ZNF385A: variants seen among roughly 807,000 people sequenced by gnomAD.
ZNF385A encodes the protein hematopoietic zinc finger protein.
In ZNF385A, 14 loss-of-function variants were observed where a neutral mutation model predicts 32.1. The observed-to-expected ratio is 0.44, with a 90% CI of 0.29 to 0.68. The LOEUF is 0.68. ZNF385A is among the 30% of genes least tolerant of loss of function. The pLI is 0.14. For missense variants in ZNF385A, 406 were observed against 478.4 expected (o/e 0.85, Z 1.41); for synonymous variants, 197 against 202.7 (o/e 0.97, Z 0.24).
intron 1 of ZNF385A, among the ~76,000 whole-genome samples, chr12:54,378,568 C>A (rs189743182): frequency 2.0e-5 from 3 of 152,284 alleles, no homozygotes; most frequent in African/African-American, 7.2e-5. Context: ...GATGGAACTG[C>A]TGCCCCTTGT....
At chr12:54,371,144 C>T (rs1393846550) in intron 4 of ZNF385A, 48 bp from the exon 5 acceptor site, 2 of 1,537,798 alleles carry the variant, frequency 1.3e-6, no homozygotes, top group Non-Finnish European at 1.7e-6. Flanking sequence ...AAAAATTATC[C>T]AGGCCTACTG....
intron 1 of ZNF385A, chr12:54,391,152 C>G (rs1307827140): frequency 2.2e-6 from 3 of 1,388,552 alleles, no homozygotes; most frequent in Non-Finnish European, 9.5e-7. Context: ...ACCGCGGTGC[C>G]GGGAGATGGT....
chr12:54,374,519 G>A (rs1417028128), intron 2 of ZNF385A, among the ~76,000 whole-genome samples: 1 of 152,148 alleles, frequency 6.6e-6, no homozygotes, highest in Non-Finnish European at 1.5e-5. Context: ...AAGGCTATGT[G>A]CCCAAGTCCT....
At chr12:54,382,192 G>A (rs1429424132) in intron 1 of ZNF385A, among the ~76,000 whole-genome samples, 5 of 151,142 alleles carry the variant, frequency 3.3e-5, no homozygotes, top group East Asian at 1.9e-4. Flanking sequence ...CTCAGCCTCC[G>A]GAGTAGCTGG....
chr12:54,370,147 G>GGGGGGGGGA lies in ZNF385A; in HGVS notation c.*108_*109insTCCCCCCCC, dbSNP rs1288626078. On this transcript the variant is annotated 3_prime_UTR_variant, in exon 7 of 7. Coordinates refer to ENST00000394313, the MANE Select transcript of ZNF385A (RefSeq NM_015481.3). This position sits in a 1 kb window ranked among gnomAD's most constrained non-coding sequence, Gnocchi z 5.5. ...CCCCGTATCTCGGGGTGGGGGGGGG[G>GGGGGGGGGA]AAGGAGAGATCATTTAGGGAGTGCC... 2.5e-6 allele frequency: 2 copies of GGGGGGGGGA among 814,618 alleles called. No homozygotes were observed. The highest frequency in any genetic ancestry group is 3.9e-5 in the African/African-American group (2 of 51,796). 50.5% of individuals were successfully genotyped at this position (814,618 alleles called of 1,614,324 possible).
In ZNF385A at chr12:54,370,724, G is replaced by A. The variant is rs748237582; in HGVS notation, c.775-3C>T. 13 of 1,585,786 alleles carry A rather than the reference G, an allele frequency of 8.2e-6. No individual in the cohort carries two copies. In the South Asian group the frequency reaches 1.4e-4, roughly 17 times the overall value. On this transcript the variant is annotated splice_region_variant and splice_polypyrimidine_tract_variant and intron_variant, in intron 5 of 6. Transcript: ENST00000394313. This position sits in a 1 kb window ranked among gnomAD's most constrained non-coding sequence, Gnocchi z 5.5. Reference sequence around the variant, plus strand: ...CGGTGCCGCCGGCTGGAGATGTGCTGCGGGGGCCAGTGGATAGGGGGCTGT... The same window carrying A: ...CGGTGCCGCCGGCTGGAGATGTGCTACGGGGGCCAGTGGATAGGGGGCTGT...
intron 3 of ZNF385A, chr12:54,373,111 TC>T (rs1388318934): frequency 1.9e-5 from 3 of 161,102 alleles, no homozygotes; most frequent in African/African-American, 8.0e-5. Context: ...TGACTGTGCA[TC>T]CCTGAGGGGG....
chr12:54,378,386 G>A (rs1218982185), intron 1 of ZNF385A, among the ~76,000 whole-genome samples: 1 of 152,086 alleles, frequency 6.6e-6, no homozygotes, highest in Non-Finnish European at 1.5e-5. Context: ...GGCCTCGAAA[G>A]GTCCATAAAA....
chr12:54,380,140 G>T (rs1031095011), intron 1 of ZNF385A, among the ~76,000 whole-genome samples: 6 of 152,160 alleles, frequency 3.9e-5, no homozygotes, highest in African/African-American at 1.2e-4. Flanking sequence ...TAAGGAGTAG[G>T]AACTGCCCAA....
chr12:54,381,189 C>G (rs1213399581), intron 1 of ZNF385A: 1 of 128,814 alleles, frequency 7.8e-6, no homozygotes, highest in East Asian at 2.2e-4. Context: ...GAGTAAGACT[C>G]TGTCTCAAAA....
chr12:54,380,355 G>A (rs181880607), intron 1 of ZNF385A, among the ~76,000 whole-genome samples: 6 of 152,290 alleles, frequency 3.9e-5, no homozygotes, highest in African/African-American at 7.2e-5. Context: ...TATAGAGGAG[G>A]GAACTGAGGT....
At position 54,384,461 on chromosome 12, in the gene ZNF385A, G is replaced by T; in HGVS notation, c.54C>A (p.Ala18=). Residue 18 remains alanine, a synonymous_variant, in exon 1 of 7, where the codon GCC becomes GCA. Coordinates refer to ENST00000394313, the MANE Select transcript of ZNF385A (RefSeq NM_015481.3). ...KQILPFPLEP[A]PTLGLFSNYS... ...AGTTGCTGAAGAGGCCAAGGGTAGGGGCTGGCTCGAGTGGGAAGGGCAGGA... is the reference window on the plus strand; with the variant it reads ...AGTTGCTGAAGAGGCCAAGGGTAGGTGCTGGCTCGAGTGGGAAGGGCAGGA... 1 of 1,591,778 alleles carries T rather than the reference G, an allele frequency of 6.3e-7. No individual in the cohort carries two copies. The highest frequency in any genetic ancestry group is 8.5e-7 in the Non-Finnish European group (1 of 1,169,680).
Position 54,384,410 on chromosome 12 carries a change from A to G in ZNF385A, c.87+18T>C. On this transcript the variant is annotated intron_variant, in intron 1 of 6. Coordinates refer to ENST00000394313, the MANE Select transcript of ZNF385A (RefSeq NM_015481.3). ...CGGGTCACAAGAGGATGGAGAAGGC[A>G]GGCAGGCTGCTACTTACGGTGCTGT... 1 of 1,568,338 alleles carries G rather than the reference A, an allele frequency of 6.4e-7. No individual in the cohort carries two copies. Among genetic ancestry groups the G allele is most frequent in the Non-Finnish European group, 8.6e-7 (1 of 1,156,662 alleles).
intron 1 of ZNF385A, chr12:54,378,983 C>T: frequency 1.1e-6 from 1 of 906,104 alleles, no homozygotes; most frequent in Non-Finnish European, 1.3e-6. Flanking sequence ...GTAGCCAGCC[C>T]CGCAGGGGCG....
Position 54,374,106 on chromosome 12 carries a change from A to G in ZNF385A, c.228T>C (p.Asn76=). 6.3e-7 allele frequency: 1 copy of G among 1,583,656 alleles called. No homozygotes were observed. Among genetic ancestry groups the G allele is most frequent in the Non-Finnish European group, 8.6e-7 (1 of 1,161,514 alleles). Residue 76 remains asparagine (N), a synonymous_variant, in exon 3 of 7, where the codon AAT becomes AAC. Coordinates refer to ENST00000394313, the MANE Select transcript of ZNF385A (RefSeq NM_015481.3). The stretch of plus-strand genomic sequence containing the variant: ...TGCCTTTGACTCGTCGGGCGTGGCG[A>G]TTACCTTTGTAGTGCGCCTCAGCCT... ...QSQAEAHYKG[N]RHARRVKGIE...
chr12:54,372,264 A>C (rs1954591137), intron 3 of ZNF385A, among the ~76,000 whole-genome samples: 2 of 152,248 alleles, frequency 1.3e-5, no homozygotes, highest in South Asian at 4.1e-4. Context: ...TTAAAGATGC[A>C]CAGGCCCTAG....
chr12:54,384,218 C>A (rs1004283378), intron 1 of ZNF385A, among the ~76,000 whole-genome samples: 5 of 152,122 alleles, frequency 3.3e-5, no homozygotes, highest in African/African-American at 1.2e-4. Flanking sequence ...GTGTCTGGCC[C>A]GTAGCAAGAC....
At chr12:54,371,861 C>A in intron 3 of ZNF385A, 146 bp from the exon 4 acceptor site, 1 of 1,204,948 alleles carries the variant, frequency 8.3e-7, no homozygotes, top group Non-Finnish European at 1.1e-6. Flanking sequence ...ATGCCCTGGT[C>A]CAGAGCCAGA....
intron 1 of ZNF385A, among the ~76,000 whole-genome samples, chr12:54,376,994 G>C (rs1439155544): frequency 2.0e-5 from 3 of 152,238 alleles, no homozygotes; most frequent in East Asian, 3.8e-4. Context: ...TCTGGGTGGA[G>C]GGATCAAGTG....
Sources: allele counts gnomAD v4.1 joint callset (sites outside exome capture counted in the v4.1 genomes callset), GRCh38; gene constraint gnomAD v4.1.1; non-coding constraint Gnocchi (gnomAD v3.1); transcripts MANE v1.5; gene names NCBI Gene and HGNC (gene_info 2026-07-23, HGNC 2026-07-21).